CHD2: variants seen among roughly 807,000 people sequenced by gnomAD.
The protein encoded by CHD2 is ATP-dependent chromatin remodeler CHD2.
In CHD2, 28 loss-of-function variants were observed where a neutral mutation model predicts 243.9. The observed-to-expected ratio is 0.11, with a 90% CI of 0.09 to 0.16. The LOEUF (loss-of-function observed/expected upper bound fraction) is 0.16, where lower values mean the gene tolerates loss of function less well. Ranked by LOEUF, CHD2 falls within the 10% of genes least tolerant of loss-of-function variation. CHD2 has a pLI of 1.00. For missense variants in CHD2, 1,386 were observed against 2,209.8 expected, an observed-to-expected ratio of 0.63 and a Z score of 7.47; for synonymous variants, 775 against 779.0, an observed-to-expected ratio of 0.99 and a Z score of 0.09.
chr15:93,020,682 A>G, intron 38 of CHD2: 1 of 260,666 alleles, frequency 3.8e-6, no homozygotes, highest in East Asian at 7.5e-5. Context: ...ACTTCAGTAC[A>G]ATGCCACCAG....
chr15:93,005,790 A>G (rs1337681139), intron 34 of CHD2, among the ~76,000 whole-genome samples: 7 of 152,224 alleles, frequency 4.6e-5, no homozygotes, highest in Admixed American at 1.3e-4. Context: ...ATATCAATAA[A>G]TGAGTAAATT....
rs2054200914 is a variant in CHD2 at position 92,997,339 on chromosome 15, A to T, written c.3821A>T (p.Tyr1274Phe). The change falls in exon 30 of 39, where the codon TAT becomes TTT. Residue 1274 changes from tyrosine (Y) to phenylalanine (F), a missense_variant. Physicochemically the swap from Tyr to Phe is conservative, Grantham distance 22 (BLOSUM62 3). This residue lies in a region of CHD2 where 99 missense variants were observed against 176.9 expected (regional missense o/e 0.56). Coordinates refer to ENST00000394196, the MANE Select transcript of CHD2 (RefSeq NM_001271.4). The surrounding 1 kb of genome is among the most constrained non-coding windows in gnomAD (Gnocchi z 4.1). Reference sequence around the variant, plus strand: ...GATTCTCGCCTGTTGCTGGGGATTTATGAACATGGCTATGGAAACTGGGAG... The same window carrying T: ...GATTCTCGCCTGTTGCTGGGGATTTTTGAACATGGCTATGGAAACTGGGAG... The part of the protein sequence containing the change: ...EDDSRLLLGI[Y>F]EHGYGNWELI... 6.2e-7 allele frequency: 1 copy of T among 1,613,328 alleles called. No individual in the cohort carries two copies. Among genetic ancestry groups the T allele is most frequent in the Non-Finnish European group, 8.5e-7 (1 of 1,179,822 alleles).
intron 17 of CHD2, among the ~76,000 whole-genome samples, chr15:92,968,986 A>G (rs187599137): frequency 3.9e-5 from 6 of 152,362 alleles, no homozygotes; most frequent in African/African-American, 1.4e-4. Context: ...AACTAGAGTC[A>G]GCCATTTATC....
chr15:92,952,591 C>T (rs988122129), intron 13 of CHD2, among the ~76,000 whole-genome samples: 17 of 152,072 alleles, frequency 1.1e-4, no homozygotes, highest in Non-Finnish European at 1.5e-4. Context: ...AATCTAATGC[C>T]GTTGCTGATC....
At chr15:92,970,161 C>T (rs563709703) in intron 17 of CHD2, among the ~76,000 whole-genome samples, 3 of 151,916 alleles carry the variant, frequency 2.0e-5, no homozygotes, top group Admixed American at 6.6e-5. Flanking sequence ...AGCTTCAGTC[C>T]CTCTTCCCTC....
At chr15:92,902,320 A>C in intron 2 of CHD2, 1 of 395,660 alleles carries the variant, frequency 2.5e-6, no homozygotes, top group East Asian at 3.6e-5. Flanking sequence ...CTGTATATTA[A>C]TTTTTAAAAG....
intron 38 of CHD2, 131 bp downstream of exon 38, chr15:93,020,389 A>G: frequency 8.9e-7 from 1 of 1,129,466 alleles, no homozygotes. Context: ...TGTCAGCCAC[A>G]GCGAATCCCA....
chr15:92,979,000 A>G (rs942102662), intron 21 of CHD2, 135 bp from the exon 22 acceptor site: 38 of 1,110,702 alleles, frequency 3.4e-5, no homozygotes, highest in South Asian at 6.4e-5. Flanking sequence ...GATGGCTTAC[A>G]GTCTTCTATG....
chr15:92,950,768 G>C (rs968152577), intron 13 of CHD2, among the ~76,000 whole-genome samples: 1 of 151,082 alleles, frequency 6.6e-6, no homozygotes, highest in African/African-American at 2.4e-5. Flanking sequence ...AAAAAAAAAG[G>C]ACAGCTTAAA....
In CHD2 at chr15:92,939,611, G is replaced by A. The variant is rs371325259; in HGVS notation, c.585G>A (p.Pro195=). Residue 195 remains proline (P), a synonymous_variant, in exon 7 of 39, where the codon CCG becomes CCA. Transcript: ENST00000394196. ...CCAAACCTCGTGTTAAAAAGCAGCC[G>A]AAGACTCAGCGTGGAAAGAGAAAAA... ...TVPKPRVKKQ[P]KTQRGKRKKQ... is the part of the protein sequence containing the mutation. 3.5e-5 allele frequency: 56 copies of A among 1,613,978 alleles called. No homozygotes were observed. Among genetic ancestry groups the A allele is most frequent in the Non-Finnish European group, 4.2e-5 (49 of 1,179,998 alleles).
At chr15:92,950,821 T>C (rs1265324281) in intron 13 of CHD2, among the ~76,000 whole-genome samples, 2 of 152,114 alleles carry the variant, frequency 1.3e-5, no homozygotes, top group African/African-American at 4.8e-5. Flanking sequence ...TTTCTAGTTA[T>C]AGAGATGCAT....
chr15:92,927,314 T>G lies in CHD2; in HGVS notation c.365T>G (p.Phe122Cys). 1 of 1,613,484 alleles carries G rather than the reference T, an allele frequency of 6.2e-7. No individual in the cohort carries two copies. The change falls in exon 4 of 39, where the codon TTT becomes TGT. Residue 122 changes from phenylalanine to cysteine, a missense_variant. Physicochemically the swap from Phe to Cys is radical, Grantham distance 205 (BLOSUM62 -2). Transcript: ENST00000394196. ...CGAAGCAGACAAGAACCATCGCGAT[T>G]TAATATTAAGGAAGAGGTAAGGAAA... ...SNRSRQEPSRFNIKEEASSGS... is the reference protein window; with the variant it reads ...SNRSRQEPSRCNIKEEASSGS...
intron 22 of CHD2, among the ~76,000 whole-genome samples, chr15:92,980,475 G>A (rs2053965535): frequency 6.6e-6 from 1 of 152,082 alleles, no homozygotes; most frequent in African/African-American, 2.4e-5. Flanking sequence ...TTTTGGACCG[G>A]GGTTGAGAAG....
Position 92,971,721 on chromosome 15 carries a change from T to A in CHD2, c.2190-44T>A, listed in dbSNP as rs1349974381. ...TACTCTTCTGGTACCTACAACTTTC[T>A]GTTTTTTTGTATCTAGTAGTATCAT... On this transcript the variant is annotated intron_variant, in intron 17 of 38. Coordinates refer to ENST00000394196, the MANE Select transcript of CHD2 (RefSeq NM_001271.4). 2.6e-6 allele frequency: 4 copies of A among 1,559,566 alleles called. No homozygotes were observed. In the Admixed American group the frequency reaches 7.5e-5, roughly 29 times the overall value.
chr15:92,946,304 A>G, intron 12 of CHD2, 88 bp downstream of exon 12: 1 of 1,052,088 alleles, frequency 9.5e-7, no homozygotes, highest in Non-Finnish European at 1.3e-6. Context: ...AAATATTACA[A>G]AATGAAATGA....
At chr15:93,014,139 A>G (rs965759316) in intron 36 of CHD2, among the ~76,000 whole-genome samples, 21 of 152,188 alleles carry the variant, frequency 1.4e-4, no homozygotes, top group Admixed American at 1.3e-4. Context: ...GCTTAGAAAA[A>G]TACGTGCCAA....
chr15:92,911,081 T>C (rs573415584), intron 2 of CHD2, among the ~76,000 whole-genome samples: 3 of 152,346 alleles, frequency 2.0e-5, no homozygotes, highest in African/African-American at 7.2e-5. Context: ...CACCAGTCAT[T>C]GACCTAAACT....
chr15:92,954,181 T>C (rs2053589014), intron 14 of CHD2: 1 of 152,586 alleles, frequency 6.6e-6, no homozygotes, highest in African/African-American at 2.4e-5. Flanking sequence ...GTGCTAGATG[T>C]TGCGCTGGGT....
At chr15:92,931,411 G>T (rs1221648450) in intron 5 of CHD2, among the ~76,000 whole-genome samples, 1 of 152,128 alleles carries the variant, frequency 6.6e-6, no homozygotes, top group East Asian at 1.9e-4. Flanking sequence ...AGAGGGTCTT[G>T]CTCTGTCACC....
Sources: allele counts gnomAD v4.1 joint callset (sites outside exome capture counted in the v4.1 genomes callset), GRCh38; gene constraint gnomAD v4.1.1; regional missense constraint gnomAD v4.1.1; non-coding constraint Gnocchi (gnomAD v3.1); transcripts MANE v1.5; gene names NCBI Gene and HGNC (gene_info 2026-07-23, HGNC 2026-07-21).